The following UTRN variants were observed in gnomAD, a reference collection of about 807,000 sequenced individuals.
UTRN encodes utrophin.
A neutral mutation model predicts 463.9 loss-of-function variants in UTRN; 283 were observed. That is an observed-to-expected ratio of 0.61 (90% CI 0.55 to 0.67). The LOEUF (loss-of-function observed/expected upper bound fraction) is 0.67. UTRN is among the 30% of genes least tolerant of loss of function. UTRN has a pLI of 0.00. For missense variants in UTRN, 3,922 were observed against 4,084.3 expected, an observed-to-expected ratio of 0.96 and a Z score of 1.08; for synonymous variants, 1,442 against 1,431.5, an observed-to-expected ratio of 1.01 and a Z score of -0.17.
intron 42 of UTRN, 26 bp downstream of exon 42, chr6:144,531,228 G>C (rs1797031162): frequency 6.2e-7 from 1 of 1,611,734 alleles, no homozygotes; most frequent in African/African-American, 1.3e-5. Context: ...TAGAGGAGGG[G>C]GACTGCACAT....
chr6:144,408,011 A>G (rs772399320), intron 3 of UTRN, among the ~76,000 whole-genome samples: 2 of 152,230 alleles, frequency 1.3e-5, no homozygotes, highest in Non-Finnish European at 2.9e-5. Context: ...TTTTCAGATC[A>G]CCTGGTCTAC....
chr6:144,622,100 A>T (rs1775444103), intron 51 of UTRN, among the ~76,000 whole-genome samples: 1 of 151,796 alleles, frequency 6.6e-6, no homozygotes, highest in Admixed American at 6.6e-5. Context: ...TATTATTTAT[A>T]CATATGTGTA....
rs1801526388 is a variant in UTRN, at chr6:144,577,240, T to G, written c.7431T>G (p.Asn2477Lys). 1.9e-6 allele frequency: 3 copies of G among 1,613,922 alleles called. No homozygotes were observed. Among genetic ancestry groups the G allele is most frequent in the Non-Finnish European group, 2.5e-6 (3 of 1,179,894 alleles). ...NVLVDASHRENALQDSILARE... is the reference protein window; with the variant it reads ...NVLVDASHREKALQDSILARE... ...TTGTGGATGCCTCTCATCGGGAGAA[T>G]GCTCTTCAGGATAGTATCTTGGCCA... The change falls in exon 51 of 75, where the codon AAT becomes AAG. Residue 2477 changes from asparagine (N) to lysine (K), a missense_variant. Coordinates refer to ENST00000367545, the MANE Select transcript of UTRN (RefSeq NM_007124.3).
rs1797801023 is a variant in UTRN at position 144,539,315 on chromosome 6, G to A, written c.6391G>A (p.Val2131Ile). ...ELRDLTQEME[V>I]HAEKLKWLNR... ...CCAGGACTTAACTCAAGAAATGGAA[G>A]TACATGCTGAAAAACTCAAATGGCT... Residue 2131 changes from valine (V) to isoleucine (I), a missense_variant, in exon 45 of 75, where the codon GTA becomes ATA. By Grantham distance (29) the Val-to-Ile change is conservative. Coordinates refer to ENST00000367545, the MANE Select transcript of UTRN (RefSeq NM_007124.3). The A allele has an allele frequency of 6.2e-7, 1 of 1,611,796 alleles. No homozygotes were observed. The highest frequency in any genetic ancestry group is 8.5e-7 in the Non-Finnish European group (1 of 1,179,064).
chr6:144,555,395 C>T (rs1403192682), intron 49 of UTRN, among the ~76,000 whole-genome samples: 1 of 152,142 alleles, frequency 6.6e-6, no homozygotes, highest in African/African-American at 2.4e-5. Flanking sequence ...CTTTACAAGG[C>T]AGCAAGACAG....
At chr6:144,844,776 C>T (rs767489999) in intron 73 of UTRN, among the ~76,000 whole-genome samples, 17 of 152,188 alleles carry the variant, frequency 1.1e-4, no homozygotes, top group Non-Finnish European at 1.5e-4. Context: ...CTAAACAAAT[C>T]GGATTGGCAC....
chr6:144,378,612 G>A (rs766016308), intron 2 of UTRN, among the ~76,000 whole-genome samples: 4 of 152,216 alleles, frequency 2.6e-5, no homozygotes, highest in Non-Finnish European at 4.4e-5. Flanking sequence ...GGAAAGGGCT[G>A]GGTTTGTCAG....
At position 144,473,782 on chromosome 6, in the gene UTRN, G is replaced by A; in HGVS notation, c.3129G>A (p.Gln1043=). 1 of 1,614,150 alleles carries A rather than the reference G, an allele frequency of 6.2e-7. No individual in the cohort carries two copies. Among genetic ancestry groups the A allele is most frequent in the South Asian group, 1.1e-5 (1 of 91,082 alleles). ...DGVKDFLMKQ[Q]AAQGDDAGLQ... is the part of the protein sequence containing the mutation. ...TGAAAGACTTCTTAATGAAACAGCAGGCTGCCCAAGGAGACGACGCAGGTC... is the reference window on the plus strand; with the variant it reads ...TGAAAGACTTCTTAATGAAACAGCAAGCTGCCCAAGGAGACGACGCAGGTC... Residue 1043 remains glutamine, a synonymous_variant, in exon 24 of 75, where the codon CAG becomes CAA. Coordinates refer to ENST00000367545, the MANE Select transcript of UTRN (RefSeq NM_007124.3).
At chr6:144,751,784 A>T (rs1012105666) in intron 55 of UTRN, 22 bp from the exon 56 acceptor site, 16 of 1,585,366 alleles carry the variant, frequency 1.0e-5, no homozygotes, top group Non-Finnish European at 1.4e-5. Flanking sequence ...CCAATAATAT[A>T]TTTTTTGTTC....
intron 51 of UTRN, among the ~76,000 whole-genome samples, chr6:144,669,059 C>G (rs187884686): frequency 1.1e-3 from 174 of 152,282 alleles, no homozygotes; most frequent in African/African-American, 4.0e-3. Context: ...TTCACACTTA[C>G]TTATGATACA....
chr6:144,445,762 A>C (rs936331704), intron 14 of UTRN, among the ~76,000 whole-genome samples: 8 of 152,094 alleles, frequency 5.3e-5, no homozygotes, highest in Admixed American at 2.0e-4. Context: ...GACAGTAGAA[A>C]GGCTGGGCGC....
intron 13 of UTRN, among the ~76,000 whole-genome samples, chr6:144,442,542 T>C (rs1787278168): frequency 2.0e-5 from 3 of 152,134 alleles, no homozygotes; most frequent in Admixed American, 1.3e-4. Flanking sequence ...TTCCACATCG[T>C]TGGGGAGGCC....
At chr6:144,447,897 T>C in intron 16 of UTRN, 116 bp downstream of exon 16, 5 of 983,134 alleles carry the variant, frequency 5.1e-6, no homozygotes, top group Non-Finnish European at 7.0e-6. Flanking sequence ...TTACACCTGA[T>C]GAAAAATTGA....
At chr6:144,585,165 T>C (rs912000498) in intron 51 of UTRN, among the ~76,000 whole-genome samples, 1 of 152,122 alleles carries the variant, frequency 6.6e-6, no homozygotes, top group African/African-American at 2.4e-5. Flanking sequence ...TAGGCACAAG[T>C]TAAGTCACTG....
chr6:144,742,926 T>C (rs538655801), intron 54 of UTRN, among the ~76,000 whole-genome samples: 2 of 152,166 alleles, frequency 1.3e-5, no homozygotes, highest in Non-Finnish European at 2.9e-5. Context: ...AAAAAGCAAA[T>C]AGTATAAATA....
chr6:144,806,476 T>A, intron 65 of UTRN, among the ~76,000 whole-genome samples: 1 of 152,202 alleles, frequency 6.6e-6, no homozygotes, highest in Non-Finnish European at 1.5e-5. Flanking sequence ...CCCTACAACT[T>A]TTTGTAAAAT....
At chr6:144,413,992 C>T (rs542225235) in intron 3 of UTRN, among the ~76,000 whole-genome samples, 11 of 151,990 alleles carry the variant, frequency 7.2e-5, no homozygotes, top group East Asian at 5.8e-4. Context: ...TTAGTAGAGA[C>T]GGGATTTCAC....
chr6:144,499,941 G>T (rs932408484), intron 34 of UTRN, among the ~76,000 whole-genome samples: 3 of 152,156 alleles, frequency 2.0e-5, no homozygotes, highest in African/African-American at 4.8e-5. Context: ...CAAAGGACAT[G>T]ATTTCATTCT....
chr6:144,504,019 A>T (rs1038716604), intron 34 of UTRN, among the ~76,000 whole-genome samples: 1 of 152,102 alleles, frequency 6.6e-6, no homozygotes, highest in African/African-American at 2.4e-5. Context: ...TGTGAATGGG[A>T]GTTCACTCAT....
Sources: gnomAD v4.1 joint callset for allele counts (sites outside exome capture counted in the v4.1 genomes callset) on GRCh38, gnomAD v4.1.1 for gene constraint, MANE v1.5 for transcripts, NCBI Gene and HGNC (gene_info 2026-07-23, HGNC 2026-07-21) for gene names.